ADGRL2: variants seen among roughly 807,000 people sequenced by gnomAD.
ADGRL2 encodes calcium-independent alpha-latrotoxin receptor 2.
Under a neutral mutation model 157.4 loss-of-function variants are expected in ADGRL2, and 44 were observed. The observed-to-expected ratio is 0.28, with a 90% CI of 0.22 to 0.36. ADGRL2 has a LOEUF of 0.36. Among genes scored for constraint, ADGRL2 ranks in the 10% least tolerant of loss-of-function variants. ADGRL2 has a pLI of 1.00. For synonymous variants in ADGRL2, 585 were observed against 624.7 expected, an observed-to-expected ratio of 0.94 and a Z score of 0.95; for missense variants, 1,510 against 1,768.9, an observed-to-expected ratio of 0.85 and a Z score of 2.63.
At chr1:81,932,843 G>A (rs1430439897) in intron 3 of ADGRL2, among the ~76,000 whole-genome samples, 3 of 152,142 alleles carry the variant, frequency 2.0e-5, no homozygotes, top group African/African-American at 7.2e-5. Flanking sequence ...GCAGGCATGC[G>A]CCACCATGCA....
chr1:81,494,200 C>T (rs2078687471), intron 2 of ADGRL2, among the ~76,000 whole-genome samples: 1 of 152,158 alleles, frequency 6.6e-6, no homozygotes, highest in Non-Finnish European at 1.5e-5. Flanking sequence ...TGCTGATTTT[C>T]ACTCACTGAA....
intron 2 of ADGRL2, among the ~76,000 whole-genome samples, chr1:81,576,800 A>G (rs1480749937): frequency 6.6e-6 from 1 of 152,144 alleles, no homozygotes; most frequent in Non-Finnish European, 1.5e-5. Flanking sequence ...ATGTGTATGA[A>G]TTATCATACT....
chr1:81,558,508 C>A (rs933986451), intron 2 of ADGRL2, among the ~76,000 whole-genome samples: 63 of 152,266 alleles, frequency 4.1e-4, no homozygotes, highest in African/African-American at 1.4e-3. Flanking sequence ...GTTGACAATG[C>A]CTTCAAGGCC....
At chr1:81,913,203 A>T (rs1440132392) in intron 3 of ADGRL2, among the ~76,000 whole-genome samples, 2 of 152,050 alleles carry the variant, frequency 1.3e-5, no homozygotes, top group African/African-American at 4.8e-5. Context: ...CAATATCCTA[A>T]CCTATTATCT....
chr1:81,641,665 G>A (rs1316241183), intron 3 of ADGRL2, among the ~76,000 whole-genome samples: 1 of 152,074 alleles, frequency 6.6e-6, no homozygotes, highest in Non-Finnish European at 1.5e-5. Flanking sequence ...AAAATTTGTG[G>A]GATGCAGAGA....
chr1:81,455,535 G>A (rs553758787), intron 2 of ADGRL2, among the ~76,000 whole-genome samples: 48 of 152,280 alleles, frequency 3.2e-4, no homozygotes, highest in Non-Finnish European at 5.9e-4. Flanking sequence ...AAAACACCTA[G>A]TGTTTTTCAG....
intron 3 of ADGRL2, among the ~76,000 whole-genome samples, chr1:81,582,541 G>A (rs2080937349): frequency 1.3e-5 from 2 of 151,912 alleles, no homozygotes; most frequent in South Asian, 4.2e-4. Context: ...AAGGTGAGAG[G>A]TGAGATTCTT....
intron 3 of ADGRL2, among the ~76,000 whole-genome samples, chr1:81,911,728 A>G (rs1325164595): frequency 1.3e-5 from 2 of 152,198 alleles, no homozygotes; most frequent in Admixed American, 6.5e-5. Flanking sequence ...TTGCAAAGCA[A>G]TTCGTAGACA....
chr1:81,840,181 C>T (rs1455810739), intron 2 of ADGRL2, among the ~76,000 whole-genome samples: 2 of 151,900 alleles, frequency 1.3e-5, no homozygotes, highest in Non-Finnish European at 2.9e-5. Context: ...GTCAGAGGAC[C>T]TGTGATTACC....
At chr1:81,551,768 T>C (rs575962936) in intron 2 of ADGRL2, among the ~76,000 whole-genome samples, 107 of 152,338 alleles carry the variant, frequency 7.0e-4, no homozygotes, top group African/African-American at 2.5e-3. Context: ...TTAAAATACT[T>C]CTGAAACATA....
rs200537068 is a variant in ADGRL2, at chr1:81,557,134, G to GT, written c.-247-23741dup. ...CCTGTTGTTCAGGTTGGCTTCAGAGGTGCAGGGATGTTGGCAGACGCCTCC... is the reference window on the plus strand; with the variant it reads ...CCTGTTGTTCAGGTTGGCTTCAGAGGTTGCAGGGATGTTGGCAGACGCCTCC... On this transcript the variant is annotated intron_variant, in intron 2 of 24. Coordinates refer to the ADGRL2 transcript ENST00000370721. 6.7e-3 allele frequency: 1,176 copies of GT among 175,336 alleles called. 11 individuals carry two copies. Among genetic ancestry groups the GT allele is most frequent in the African/African-American group, 0.026 (1,081 of 41,618 alleles). The allele number at this position is 175,336 out of a possible 1,614,324, so 10.9% of individuals were successfully genotyped here. A position where few individuals can be genotyped will look rare whatever the true frequency, so the allele number is the denominator to read the frequency against.
At chr1:81,940,334 C>T (rs375763111) in intron 4 of ADGRL2, among the ~76,000 whole-genome samples, 5 of 151,516 alleles carry the variant, frequency 3.3e-5, no homozygotes, top group East Asian at 1.9e-4. Context: ...TTTCTCACTA[C>T]GCCCTTCCGT....
chr1:81,376,025 T>C (rs968229000), intron 1 of ADGRL2, among the ~76,000 whole-genome samples: 5 of 152,212 alleles, frequency 3.3e-5, no homozygotes, highest in African/African-American at 1.2e-4. Flanking sequence ...AAGATAGCAA[T>C]ATATACCAGC....
chr1:81,979,434 C>G (rs1448419289), intron 17 of ADGRL2, among the ~76,000 whole-genome samples: 2 of 151,644 alleles, frequency 1.3e-5, no homozygotes, highest in Non-Finnish European at 3.0e-5. Context: ...TGTTATTATC[C>G]TCATTTAATC....
At chr1:81,551,456 T>C (rs918986011) in intron 2 of ADGRL2, among the ~76,000 whole-genome samples, 3 of 152,318 alleles carry the variant, frequency 2.0e-5, no homozygotes, top group African/African-American at 7.2e-5. Flanking sequence ...GAACAAATGA[T>C]TGTGGAAATA....
intron 2 of ADGRL2, among the ~76,000 whole-genome samples, chr1:81,538,891 C>T (rs976019185): frequency 1.3e-5 from 2 of 151,602 alleles, no homozygotes; most frequent in Admixed American, 6.6e-5. Context: ...TCCTGTGGTC[C>T]CAGCTACTTG....
intron 2 of ADGRL2, among the ~76,000 whole-genome samples, chr1:81,790,370 A>AACAC (rs1323945041): frequency 6.6e-5 from 10 of 151,978 alleles, no homozygotes; most frequent in Admixed American, 3.3e-4. Context: ...TTACTTAAAT[A>AACAC]ACACACACAC....
chr1:81,365,848 A>C (rs4526653), intron 1 of ADGRL2, among the ~76,000 whole-genome samples: 111,214 of 152,056 alleles, frequency 0.73, 41,175 homozygotes, highest in Middle Eastern at 0.83. Context: ...CAACACATTA[A>C]CCAATTTTCC....
At chr1:81,909,944 G>A (rs1391624788) in intron 3 of ADGRL2, among the ~76,000 whole-genome samples, 1 of 151,766 alleles carries the variant, frequency 6.6e-6, no homozygotes, top group African/African-American at 2.4e-5. Context: ...TAGCCACTTT[G>A]AAAATAGTAC....
Sources: gnomAD v4.1 joint callset for allele counts (sites outside exome capture counted in the v4.1 genomes callset) on GRCh38, gnomAD v4.1.1 for gene constraint, MANE v1.5 for transcripts, NCBI Gene and HGNC (gene_info 2026-07-23, HGNC 2026-07-21) for gene names.